Variants in CDO1 observed in about 807,000 individuals in gnomAD.
The protein encoded by CDO1 is cysteine dioxygenase type 1.
A neutral mutation model predicts 24.5 loss-of-function variants in CDO1; 19 were observed. The ratio of observed to expected loss-of-function variants is 0.77; its 90% confidence interval spans 0.54 to 1.14. CDO1 has a LOEUF of 1.14. CDO1 is among the 50% of genes most tolerant of loss of function. The probability of loss-of-function intolerance (pLI) is 0.00; values close to 1 mark genes in which losing one functional copy is unlikely to be tolerated. For missense variants in CDO1, 244 were observed against 244.8 expected (o/e 1.00, Z 0.02); for synonymous variants, 91 against 87.0 (o/e 1.05, Z -0.26).
In CDO1 at chr5:115,805,159, A is replaced by T. The variant is rs1241651001; in HGVS notation, c.*274T>A. The T allele has an allele frequency of 2.7e-6, 1 of 369,648 alleles. No individual in the cohort carries two copies. The highest frequency in any genetic ancestry group is 4.8e-6 in the Non-Finnish European group (1 of 207,838). 22.9% of individuals were successfully genotyped at this position (369,648 alleles called of 1,614,324 possible). On this transcript the variant is annotated 3_prime_UTR_variant, in exon 5 of 5. Transcript: ENST00000250535. ...ACCCTCACTGACGCTCCTAGTATGG[A>T]TTTAATGGAATTAGAGGATAGAACT...
rs150634620 is a variant in CDO1 at position 115,816,183 on chromosome 5, G to C, written c.170+45C>G. On this transcript the variant is annotated intron_variant, in intron 1 of 4. Coordinates refer to ENST00000250535, the MANE Select transcript of CDO1 (RefSeq NM_001801.3). ...CCCCCACGTCCATTCCTCCTCAGAC[G>C]GGGCGAGTGGGCGCCGCCTGGCATT... is the stretch of plus-strand genomic sequence containing the variant. 4.1e-3 allele frequency: 6,554 copies of C among 1,583,744 alleles called. 25 individuals carry two copies. Among genetic ancestry groups the C allele is most frequent in the Non-Finnish European group, 5.0e-3 (5,795 of 1,159,416 alleles).
chr5:115,813,600 T>C (rs1362705811), intron 1 of CDO1, among the ~76,000 whole-genome samples: 1 of 150,790 alleles, frequency 6.6e-6, no homozygotes, highest in Non-Finnish European at 1.5e-5. Flanking sequence ...GCATTACTGG[T>C]TGAGGCAAGA....
intron 1 of CDO1, 135 bp downstream of exon 1, chr5:115,816,093 G>C (rs377695971): frequency 6.6e-5 from 38 of 578,920 alleles, no homozygotes; most frequent in Middle Eastern, 6.6e-4. Context: ...CGGCTGGCCA[G>C]CGAGGGGGCG....
rs1363078614 is a variant in CDO1, at chr5:115,804,811, G to A, written c.*622C>T. 6.6e-6 allele frequency: 1 copy of A among 152,146 alleles called. No homozygotes were observed. The highest frequency in any genetic ancestry group is 6.5e-5 in the Admixed American group (1 of 15,276). 9.4% of individuals were successfully genotyped at this position (152,146 alleles called of 1,614,324 possible). A position where few individuals can be genotyped will look rare whatever the true frequency, so the allele number is the denominator to read the frequency against. On this transcript the variant is annotated 3_prime_UTR_variant, in exon 5 of 5. Coordinates refer to ENST00000250535, the MANE Select transcript of CDO1 (RefSeq NM_001801.3). ...TCTTTGACTATGACCATGGGACACA[G>A]ACATGAGTTTATGTTTTGGTTTGTT... is the stretch of plus-strand genomic sequence containing the variant.
At chr5:115,815,352 G>T (rs1337008695) in intron 1 of CDO1, among the ~76,000 whole-genome samples, 1 of 152,008 alleles carries the variant, frequency 6.6e-6, no homozygotes, top group African/African-American at 2.4e-5. Flanking sequence ...ACCAAGCCGG[G>T]GCTGCAAAAA....
intron 3 of CDO1, among the ~76,000 whole-genome samples, chr5:115,807,977 TA>T (rs200907357): frequency 1.5e-4 from 23 of 149,600 alleles, no homozygotes; most frequent in Middle Eastern, 3.4e-3. Context: ...CAGGTTTTTT[TA>T]AAAAAAAACA....
rs570226434 is a variant in CDO1 at position 115,813,426 on chromosome 5, C to T, written c.171-168G>A. The stretch of plus-strand genomic sequence containing the variant: ...AGAAATCCAACACAAATGAAAAATC[C>T]TTTTTCACAGTTCATTTTGAACCGC... On this transcript the variant is annotated intron_variant, in intron 1 of 4. Transcript: ENST00000250535. Among the ~76,000 whole-genome samples the T allele has an allele frequency of 3.9e-5, 6 of 152,110 alleles. No homozygotes were observed. In the East Asian group the frequency reaches 1.2e-3, roughly 29 times the overall value.
chr5:115,814,850 C>T (rs1320543971), intron 1 of CDO1, among the ~76,000 whole-genome samples: 1 of 152,208 alleles, frequency 6.6e-6, no homozygotes, highest in South Asian at 2.1e-4. Flanking sequence ...TGCCATTCCT[C>T]ATATGTGTCA....
At chr5:115,806,035 C>G (rs1759932144) in intron 4 of CDO1, among the ~76,000 whole-genome samples, 1 of 152,156 alleles carries the variant, frequency 6.6e-6, no homozygotes, top group Non-Finnish European at 1.5e-5. Context: ...GTTGGCCCAG[C>G]AAATTAGACC....
chr5:115,811,825 T>C (rs1760201333), intron 2 of CDO1, among the ~76,000 whole-genome samples: 1 of 152,212 alleles, frequency 6.6e-6, no homozygotes, highest in Non-Finnish European at 1.5e-5. Flanking sequence ...AGAGAAGGTA[T>C]CTATATGTGT....
chr5:115,808,243 T>G (rs1308436796), intron 3 of CDO1, among the ~76,000 whole-genome samples: 1 of 152,154 alleles, frequency 6.6e-6, no homozygotes, highest in East Asian at 1.9e-4. Flanking sequence ...CCTCCCAAAG[T>G]GCTGGGATTA....
At chr5:115,815,101 C>T (rs1300616359) in intron 1 of CDO1, among the ~76,000 whole-genome samples, 1 of 152,148 alleles carries the variant, frequency 6.6e-6, no homozygotes, top group Non-Finnish European at 1.5e-5. Context: ...CCCATGCCAA[C>T]AAAACTTTAC....
In CDO1 at chr5:115,813,577, G is replaced by GT. The variant is rs1382732570; in HGVS notation, c.171-320dup. ...TGATGGAGTAAGTTTCTCAGAGAAA[G>GT]TATTTCCAAAGTGCATTACTGGTTG... On this transcript the variant is annotated intron_variant, in intron 1 of 4. Coordinates refer to ENST00000250535, the MANE Select transcript of CDO1 (RefSeq NM_001801.3). Among the ~76,000 whole-genome samples the GT allele has an allele frequency of 2.0e-5, 3 of 149,812 alleles. No individual in the cohort carries two copies. The East Asian group carries it at 5.8e-4, about 29-fold the overall frequency.
rs1759862693 is a variant in CDO1, at chr5:115,804,787, C to CT, written c.*645dup. ...TTTGGTAATTTTAGCAGTACAAAAT[C>CT]TTTGACTATGACCATGGGACACAGA... On this transcript the variant is annotated 3_prime_UTR_variant, in exon 5 of 5. Transcript: ENST00000250535. The CT allele has an allele frequency of 4.6e-5, 7 of 152,236 alleles. No homozygotes were observed. The South Asian group carries it at 1.4e-3, about 32-fold the overall frequency. The allele number at this position is 152,236 out of a possible 1,614,324, so 9.4% of individuals were successfully genotyped here.
chr5:115,812,188 C>T (rs1309406212), intron 2 of CDO1, among the ~76,000 whole-genome samples: 4 of 152,264 alleles, frequency 2.6e-5, no homozygotes, highest in South Asian at 2.1e-4. Flanking sequence ...TGAATGGAAA[C>T]ACTTCATTCC....
At position 115,816,286 on chromosome 5, in the gene CDO1, C is replaced by G. The variant is rs375281774; in HGVS notation, c.112G>C (p.Glu38Gln). 1.9e-6 allele frequency: 3 copies of G among 1,614,058 alleles called. No individual in the cohort carries two copies. Among genetic ancestry groups the G allele is most frequent in the Non-Finnish European group, 2.5e-6 (3 of 1,180,042 alleles). ...TCGGTGGGGTCGCTCTCGTAGGCTT[C>G]CATGATGGCCTGCACCTCCTCTACA... ...VNVEEVQAIMEAYESDPTEWA... is the reference protein window; with the variant it reads ...VNVEEVQAIMQAYESDPTEWA... Residue 38 changes from glutamate to glutamine, a missense_variant, in exon 1 of 5, where the codon GAA becomes CAA. Physicochemically the swap from Glu to Gln is conservative, Grantham distance 29. Transcript: ENST00000250535.
chr5:115,807,664 T>G (rs575941515), intron 3 of CDO1, among the ~76,000 whole-genome samples: 1 of 110,540 alleles, frequency 9.0e-6, no homozygotes, highest in Non-Finnish European at 2.0e-5. Context: ...AGACAGAAAA[T>G]AGAAAAGAAA....
intron 3 of CDO1, among the ~76,000 whole-genome samples, chr5:115,807,976 T>TA (rs1406562554): frequency 1.4e-5 from 2 of 145,524 alleles, no homozygotes; most frequent in African/African-American, 5.7e-5. Context: ...CCAGGTTTTT[T>TA]TAAAAAAAAA....
intron 4 of CDO1, among the ~76,000 whole-genome samples, chr5:115,805,728 T>C (rs1759918945): frequency 6.6e-6 from 1 of 152,230 alleles, no homozygotes; most frequent in Non-Finnish European, 1.5e-5. Flanking sequence ...TTGGTCTCCA[T>C]TTTCACACAT....
Sources: gnomAD v4.1 joint callset for allele counts (sites outside exome capture counted in the v4.1 genomes callset) on GRCh38, gnomAD v4.1.1 for gene constraint, MANE v1.5 for transcripts, NCBI Gene and HGNC (gene_info 2026-07-23, HGNC 2026-07-21) for gene names.